The following COBLL1 variants were observed in gnomAD, a reference collection of about 807,000 sequenced individuals.
COBLL1 encodes the protein cordon-bleu WH2 repeat protein like 1.
Under a neutral mutation model 94.8 loss-of-function variants are expected in COBLL1, and 50 were observed. That is an observed-to-expected ratio of 0.53 (90% CI 0.42 to 0.67). The LOEUF (loss-of-function observed/expected upper bound fraction) is 0.67, where lower values mean the gene tolerates loss of function less well. Ranked by LOEUF, COBLL1 falls within the 30% of genes least tolerant of loss-of-function variation. The probability of loss-of-function intolerance (pLI) is 0.00; values close to 1 mark genes in which losing one functional copy is unlikely to be tolerated. For missense variants in COBLL1, 1,362 were observed against 1,348.7 expected, an observed-to-expected ratio of 1.01 and a Z score of -0.15; for synonymous variants, 448 against 473.8, an observed-to-expected ratio of 0.95 and a Z score of 0.71.
At chr2:164,815,165 C>T (rs1368467770) in intron 2 of COBLL1, among the ~76,000 whole-genome samples, 5 of 151,824 alleles carry the variant, frequency 3.3e-5, no homozygotes, top group Admixed American at 6.6e-5. Flanking sequence ...TCTGGGAGGC[C>T]GAGGTGGGCA....
chr2:164,810,138 T>C (rs1203832500), intron 2 of COBLL1, among the ~76,000 whole-genome samples: 1 of 151,738 alleles, frequency 6.6e-6, no homozygotes, highest in Non-Finnish European at 1.5e-5. Flanking sequence ...AATCATATGA[T>C]TTTTTCATTA....
chr2:164,773,175 T>G (rs912491815), intron 2 of COBLL1, among the ~76,000 whole-genome samples: 3 of 126,992 alleles, frequency 2.4e-5, no homozygotes, highest in African/African-American at 9.9e-5. Context: ...TGAATTTCTG[T>G]CCAGTACCCG....
At chr2:164,772,124 T>C (rs1229884032) in intron 2 of COBLL1, 2 of 151,484 alleles carry the variant, frequency 1.3e-5, no homozygotes, top group East Asian at 3.9e-4. Context: ...AGGGGATTTG[T>C]TTAGTTGTTA....
chr2:164,698,038 A>G (rs1684044102), intron 11 of COBLL1: 1 of 152,120 alleles, frequency 6.6e-6, no homozygotes, highest in Non-Finnish European at 1.5e-5. Flanking sequence ...AAAAACAACT[A>G]GAGTTGACAA....
chr2:164,742,872 C>T (rs116013661), intron 3 of COBLL1, among the ~76,000 whole-genome samples: 1,823 of 151,518 alleles, frequency 0.012, 31 homozygotes, highest in African/African-American at 0.042. Context: ...AGAGAGAGAG[C>T]GAGCGAGCGA....
intron 2 of COBLL1, among the ~76,000 whole-genome samples, chr2:164,786,213 T>A (rs1688948786): frequency 6.6e-6 from 1 of 152,192 alleles, no homozygotes; most frequent in Non-Finnish European, 1.5e-5. Context: ...TTCTGACTGC[T>A]CATATTCCAC....
intron 7 of COBLL1, among the ~76,000 whole-genome samples, chr2:164,710,672 C>T (rs1558943067): frequency 6.6e-6 from 1 of 150,846 alleles, no homozygotes; most frequent in Non-Finnish European, 1.5e-5. Flanking sequence ...TCAAGCAGTT[C>T]TCTGACTCAG....
At chr2:164,808,798 T>C (rs916148210) in intron 2 of COBLL1, among the ~76,000 whole-genome samples, 1 of 152,144 alleles carries the variant, frequency 6.6e-6, no homozygotes, top group Non-Finnish European at 1.5e-5. Context: ...GTCCACAGTG[T>C]TTTATAATCT....
chr2:164,667,200 T>C (rs1293018763), intron 1 of COBLL1, among the ~76,000 whole-genome samples: 2 of 152,220 alleles, frequency 1.3e-5, no homozygotes, highest in Non-Finnish European at 2.9e-5. Flanking sequence ...TCTTTTTTTC[T>C]AAGCAATTGA....
At chr2:164,794,964 C>G (rs571653921) in intron 2 of COBLL1, among the ~76,000 whole-genome samples, 14 of 152,250 alleles carry the variant, frequency 9.2e-5, no homozygotes, top group African/African-American at 3.1e-4. Context: ...TAAATCAATG[C>G]CAAGAGCAAG....
chr2:164,801,038 A>G (rs1218886399), intron 2 of COBLL1, among the ~76,000 whole-genome samples: 1 of 152,180 alleles, frequency 6.6e-6, no homozygotes, highest in African/African-American at 2.4e-5. Flanking sequence ...AGCAGCTCAC[A>G]TCTGGAATCC....
chr2:164,752,592 C>T (rs986073232), intron 2 of COBLL1, among the ~76,000 whole-genome samples: 5 of 152,192 alleles, frequency 3.3e-5, no homozygotes, highest in African/African-American at 9.6e-5. Context: ...AAGAAATTTG[C>T]CCAAAAGCAC....
At chr2:164,726,558 C>T (rs1054913675) in intron 5 of COBLL1, among the ~76,000 whole-genome samples, 1 of 152,100 alleles carries the variant, frequency 6.6e-6, no homozygotes, top group African/African-American at 2.4e-5. Flanking sequence ...AAGGTAACCA[C>T]TATTGAAATT....
chr2:164,732,381 A>G (rs577736679), intron 3 of COBLL1, among the ~76,000 whole-genome samples: 52 of 152,338 alleles, frequency 3.4e-4, no homozygotes, highest in Admixed American at 1.1e-3. Context: ...GAGAGAGACT[A>G]GCAAAATGGT....
intron 2 of COBLL1, among the ~76,000 whole-genome samples, chr2:164,834,761 C>T (rs2105389574): frequency 6.6e-6 from 1 of 152,270 alleles, no homozygotes; most frequent in Non-Finnish European, 1.5e-5. Context: ...GCCAGTAAAA[C>T]TCTATAAATA....
intron 2 of COBLL1, among the ~76,000 whole-genome samples, chr2:164,663,477 C>T (rs538494195): frequency 6.6e-6 from 1 of 152,098 alleles, no homozygotes; most frequent in South Asian, 2.1e-4. Context: ...GCATATGTAC[C>T]CAAAGGAAAA....
chr2:164,758,142 AC>A (rs1687501200), intron 2 of COBLL1, among the ~76,000 whole-genome samples: 1 of 152,134 alleles, frequency 6.6e-6, no homozygotes, highest in Admixed American at 6.5e-5. Context: ...CTGGGCACCC[AC>A]TGTGTACTTA....
chr2:164,750,176 CT>C (rs1207665811), intron 2 of COBLL1, among the ~76,000 whole-genome samples: 2 of 152,206 alleles, frequency 1.3e-5, no homozygotes, highest in Admixed American at 6.5e-5. Context: ...TGAGCTCTGA[CT>C]TTTATTCCCA....
At chr2:164,840,733 C>T (rs1683555167) in intron 2 of COBLL1, 1 of 160,330 alleles carries the variant, frequency 6.2e-6, no homozygotes, top group Admixed American at 6.5e-5. Flanking sequence ...AGCCCACTCC[C>T]TACAGTCACC....
Sources: allele counts gnomAD v4.1 joint callset (sites outside exome capture counted in the v4.1 genomes callset), GRCh38; gene constraint gnomAD v4.1.1; transcripts MANE v1.5; gene names NCBI Gene and HGNC (gene_info 2026-07-23, HGNC 2026-07-21).